Variants in RIMS2 observed in about 807,000 individuals in gnomAD.
The protein encoded by RIMS2 is regulating synaptic membrane exocytosis protein 2.
A neutral mutation model predicts 174.4 loss-of-function variants in RIMS2; 59 were observed. The ratio of observed to expected loss-of-function variants is 0.34; its 90% CI spans 0.27 to 0.42. RIMS2 has a LOEUF of 0.42. RIMS2 is among the 10% of genes least tolerant of loss of function. The pLI, the probability that RIMS2 is intolerant of heterozygous loss-of-function variation, is 1.00. For synonymous variants in RIMS2, 606 were observed against 572.5 expected, an observed-to-expected ratio of 1.06 and a Z score of -0.84; for missense variants, 1,620 against 1,666.3, an observed-to-expected ratio of 0.97 and a Z score of 0.48.
intron 20 of RIMS2, among the ~76,000 whole-genome samples, chr8:104,246,877 T>C (rs2099335110): frequency 6.6e-6 from 1 of 152,096 alleles, no homozygotes; most frequent in Non-Finnish European, 1.5e-5. Context: ...GCAGCTTATG[T>C]AGACTTTATG....
intron 1 of RIMS2, among the ~76,000 whole-genome samples, chr8:103,693,778 T>C (rs1277675612): frequency 1.3e-5 from 2 of 152,150 alleles, no homozygotes; most frequent in East Asian, 3.9e-4. Context: ...GGAGCCTCTG[T>C]TGTGGGCCGA....
At chr8:103,778,652 T>C (rs2098346669) in intron 3 of RIMS2, among the ~76,000 whole-genome samples, 1 of 152,186 alleles carries the variant, frequency 6.6e-6, no homozygotes, top group African/African-American at 2.4e-5. Flanking sequence ...TGTTTATCCA[T>C]TGATAGGCAT....
At chr8:104,035,589 T>C (rs913191962) in intron 19 of RIMS2, among the ~76,000 whole-genome samples, 11 of 151,998 alleles carry the variant, frequency 7.2e-5, no homozygotes, top group Admixed American at 3.3e-4. Flanking sequence ...CAATTAAGTA[T>C]TTTGTTAGTG....
intron 19 of RIMS2, among the ~76,000 whole-genome samples, chr8:104,178,272 C>T (rs2098917381): frequency 6.6e-6 from 1 of 152,058 alleles, no homozygotes; most frequent in South Asian, 2.1e-4. Context: ...TTACATGTGG[C>T]TGTGGGACTA....
chr8:104,146,354 G>A (rs1273378166), intron 19 of RIMS2, among the ~76,000 whole-genome samples: 1 of 152,056 alleles, frequency 6.6e-6, no homozygotes, highest in Non-Finnish European at 1.5e-5. Context: ...ACCCTAGCCT[G>A]GGTGACAGAG....
At chr8:104,048,708 G>C (rs962061591) in intron 19 of RIMS2, among the ~76,000 whole-genome samples, 6 of 148,618 alleles carry the variant, frequency 4.0e-5, no homozygotes, top group Admixed American at 6.7e-5. Context: ...GAATTTTTTT[G>C]ACATATACAT....
intron 2 of RIMS2, among the ~76,000 whole-genome samples, chr8:103,752,265 A>G (rs984253958): frequency 3.3e-5 from 5 of 152,006 alleles, no homozygotes; most frequent in Non-Finnish European, 5.9e-5. Context: ...AGTTGTAGAT[A>G]TGCAGCGTTA....
At chr8:103,607,189 C>T (rs887930124) in intron 1 of RIMS2, among the ~76,000 whole-genome samples, 2 of 152,050 alleles carry the variant, frequency 1.3e-5, no homozygotes, top group Non-Finnish European at 2.9e-5. Flanking sequence ...TCTTTTAGGG[C>T]AGGCCTCGTG....
chr8:103,725,194 A>C (rs1248060025), intron 2 of RIMS2, among the ~76,000 whole-genome samples: 1 of 152,150 alleles, frequency 6.6e-6, no homozygotes, highest in East Asian at 1.9e-4. Flanking sequence ...CTTCTTTACA[A>C]AAATTTCCTG....
intron 1 of RIMS2, among the ~76,000 whole-genome samples, chr8:103,604,153 T>C (rs1051698965): frequency 3.3e-5 from 5 of 150,116 alleles, no homozygotes; most frequent in African/African-American, 1.2e-4. Context: ...AAGTCTTTAA[T>C]CCATCTTGAA....
intron 3 of RIMS2, among the ~76,000 whole-genome samples, chr8:103,859,527 T>C (rs2099047546): frequency 6.6e-6 from 1 of 152,096 alleles, no homozygotes; most frequent in South Asian, 2.1e-4. Context: ...TACTGATCTA[T>C]CTATCCCTAT....
At chr8:103,834,770 TTCTG>T (rs997616054) in intron 3 of RIMS2, among the ~76,000 whole-genome samples, 3 of 150,194 alleles carry the variant, frequency 2.0e-5, no homozygotes, top group African/African-American at 7.4e-5. Context: ...CTCTCTCTCT[TTCTG>T]TCTTTCTTTC....
At chr8:104,058,834 C>A (rs2096922765) in intron 19 of RIMS2, among the ~76,000 whole-genome samples, 1 of 152,152 alleles carries the variant, frequency 6.6e-6, no homozygotes, top group Non-Finnish European at 1.5e-5. Flanking sequence ...GAATCCTTTC[C>A]CCATTGCTTG....
intron 4 of RIMS2, among the ~76,000 whole-genome samples, chr8:103,908,745 C>T (rs2075046905): frequency 6.6e-6 from 1 of 152,142 alleles, no homozygotes; most frequent in African/African-American, 2.4e-5. Context: ...AATTACCTTT[C>T]CCAAGGGTTA....
chr8:103,702,924 G>A (rs894553677), intron 2 of RIMS2, among the ~76,000 whole-genome samples: 12 of 136,976 alleles, frequency 8.8e-5, no homozygotes, highest in African/African-American at 3.2e-4. Flanking sequence ...GGTTGCATTA[G>A]AATTTTAGGA....
At chr8:103,621,583 G>C (rs528949559) in intron 1 of RIMS2, among the ~76,000 whole-genome samples, 3 of 152,184 alleles carry the variant, frequency 2.0e-5, no homozygotes, top group African/African-American at 7.2e-5. Flanking sequence ...TCTTTATTAC[G>C]TCTAGCAGAT....
intron 19 of RIMS2, among the ~76,000 whole-genome samples, chr8:104,202,256 GACA>G (rs1442160057): frequency 6.6e-6 from 1 of 152,086 alleles, no homozygotes; most frequent in Non-Finnish European, 1.5e-5. Context: ...AAGTACTTAG[GACA>G]TATTTAACTT....
At chr8:103,568,762 A>G in intron 1 of RIMS2, 1 of 1,095,134 alleles carries the variant, frequency 9.1e-7, no homozygotes, top group Non-Finnish European at 1.4e-6. Flanking sequence ...CTGGGTAAGG[A>G]ATCTATCAAA....
chr8:103,819,469 T>G (rs781196508), intron 3 of RIMS2: 2 of 1,607,466 alleles, frequency 1.2e-6, no homozygotes, highest in Non-Finnish European at 1.7e-6. Context: ...AGACAGGTGG[T>G]AGGGAAAAAT....
Sources: gnomAD v4.1 joint callset for allele counts (sites outside exome capture counted in the v4.1 genomes callset) on GRCh38, gnomAD v4.1.1 for gene constraint, MANE v1.5 for transcripts, NCBI Gene and HGNC (gene_info 2026-07-23, HGNC 2026-07-21) for gene names.